RAB4A: variants seen among roughly 807,000 people sequenced by gnomAD.
RAB4A encodes the protein RAB4A, member RAS oncogene family.
Under a neutral mutation model 34.5 loss-of-function variants are expected in RAB4A, and 20 were observed. The observed-to-expected ratio is 0.58, with a 90% CI of 0.41 to 0.84. RAB4A has a LOEUF of 0.84. Among genes scored for constraint, RAB4A ranks in the 40% least tolerant of loss-of-function variants. RAB4A has a pLI of 0.00. For synonymous variants in RAB4A, 102 were observed against 100.0 expected (o/e 1.02, Z -0.12); for missense variants, 228 against 274.5 (o/e 0.83, Z 1.20).
intron 1 of RAB4A, among the ~76,000 whole-genome samples, chr1:229,271,935 T>C (rs199613209): frequency 1.3e-5 from 2 of 152,196 alleles, no homozygotes; most frequent in East Asian, 3.9e-4. Context: ...TTTTTTAGCC[T>C]TTTCTGGGTT....
In RAB4A at chr1:229,305,062, G is replaced by T; in HGVS notation, c.*1269G>T. The T allele has an allele frequency of 1.4e-6, 2 of 1,423,548 alleles. No individual in the cohort carries two copies. Among genetic ancestry groups the T allele is most frequent in the Non-Finnish European group, 9.2e-7 (1 of 1,084,020 alleles). The allele number at this position is 1,423,548 out of a possible 1,614,324, so 88.2% of individuals were successfully genotyped here. On this transcript the variant is annotated 3_prime_UTR_variant, in exon 8 of 8. Transcript: ENST00000366690. ...TTGAAGACTAGTAAATTAACTTTTA[G>T]TTAGAAGATGCCTACTGCTTTTGTT... is the stretch of plus-strand genomic sequence containing the variant.
rs530322424 is a variant in RAB4A, at chr1:229,301,420, T to C, written c.542-1442T>C. 1.5e-4 allele frequency among the ~76,000 whole-genome samples: 23 copies of C among 151,682 alleles called. No homozygotes were observed. In the South Asian group the frequency reaches 4.6e-3, roughly 30 times the overall value. ...AAGTGGACATGTCATCTTTTTGTAT[T>C]TTTTTTTATCAGAAAGAAAAAAAAA... On this transcript the variant is annotated intron_variant, in intron 6 of 7. Transcript: ENST00000366690.
Position 229,305,318 on chromosome 1 carries a change from C to T in RAB4A, c.*1525C>T. On this transcript the variant is annotated 3_prime_UTR_variant, in exon 8 of 8. Transcript: ENST00000366690. ...ATTTATGATAGATTTGCAAGCTGCT[C>T]ATTTTTGAACAGCTTTTTGCATGGG... 1 of 1,571,798 alleles carries T rather than the reference C, an allele frequency of 6.4e-7. No individual in the cohort carries two copies. Among genetic ancestry groups the T allele is most frequent in the Non-Finnish European group, 8.6e-7 (1 of 1,162,426 alleles).
Position 229,271,203 on chromosome 1 carries a change from C to G in RAB4A, c.-137C>G. 1 of 871,488 alleles carries G rather than the reference C, an allele frequency of 1.1e-6. No individual in the cohort carries two copies. Among genetic ancestry groups the G allele is most frequent in the Non-Finnish European group, 1.5e-6 (1 of 662,740 alleles). 54.0% of individuals were successfully genotyped at this position (871,488 alleles called of 1,614,324 possible). On this transcript the variant is annotated 5_prime_UTR_variant, in exon 1 of 8. Transcript: ENST00000366690. ...CGGCTGGGCCGCAGCCGCTGGGAGA[C>G]CGGCGGTTGCCGTGGGGACCGGTCG...
At chr1:229,278,292 C>T (rs1656699157) in intron 1 of RAB4A, among the ~76,000 whole-genome samples, 1 of 152,226 alleles carries the variant, frequency 6.6e-6, no homozygotes, top group African/African-American at 2.4e-5. Flanking sequence ...GCTACCCAGC[C>T]ATCTGCCTTG....
At chr1:229,288,467 G>A (rs1010720525) in intron 2 of RAB4A, among the ~76,000 whole-genome samples, 3 of 152,190 alleles carry the variant, frequency 2.0e-5, no homozygotes, top group Non-Finnish European at 4.4e-5. Context: ...ATATGGCAGG[G>A]CTACTTTCAG....
intron 3 of RAB4A, among the ~76,000 whole-genome samples, chr1:229,292,194 G>T (rs1348404245): frequency 6.6e-6 from 1 of 150,752 alleles, no homozygotes; most frequent in South Asian, 2.1e-4. Flanking sequence ...TTGTGCACAG[G>T]TACCCTAAAA....
intron 5 of RAB4A, among the ~76,000 whole-genome samples, 176 bp downstream of exon 5, chr1:229,297,812 G>A (rs529441896): frequency 1.3e-5 from 2 of 152,152 alleles, no homozygotes; most frequent in South Asian, 4.1e-4. Flanking sequence ...TTAGTATATT[G>A]CATTCTGCCT....
chr1:229,301,282 C>A (rs1008664608), intron 6 of RAB4A, among the ~76,000 whole-genome samples: 3 of 151,746 alleles, frequency 2.0e-5, no homozygotes, highest in Non-Finnish European at 4.4e-5. Flanking sequence ...TGTTTAAATG[C>A]TGAGGGGGAA....
Position 229,286,030 on chromosome 1 carries a change from G to A in RAB4A, c.32-456G>A, listed in dbSNP as rs552961260. Among the ~76,000 whole-genome samples the A allele has an allele frequency of 5.8e-4, 89 of 152,342 alleles. 1 individual carries two copies. Among genetic ancestry groups the A allele is most frequent in the African/African-American group, 2.0e-3 (83 of 41,582 alleles). ...AAGACCACGTAAATCTGCAAGTGCA[G>A]ACAAAACTTATTTTTTTCCTTTTCC... is the stretch of plus-strand genomic sequence containing the variant. On this transcript the variant is annotated intron_variant, in intron 1 of 7. Transcript: ENST00000366690.
At chr1:229,272,722 G>A (rs998924897) in intron 1 of RAB4A, among the ~76,000 whole-genome samples, 1 of 152,154 alleles carries the variant, frequency 6.6e-6, no homozygotes, top group Non-Finnish European at 1.5e-5. Flanking sequence ...AGAGGGTCTT[G>A]AGGAAGGCGT....
chr1:229,285,594 A>G (rs1282989979), intron 1 of RAB4A, among the ~76,000 whole-genome samples: 1 of 152,158 alleles, frequency 6.6e-6, no homozygotes, highest in Non-Finnish European at 1.5e-5. Flanking sequence ...CTTTGAGGCC[A>G]CAGAAGGAGT....
intron 1 of RAB4A, among the ~76,000 whole-genome samples, chr1:229,278,947 C>G (rs1024060961): frequency 1.3e-5 from 2 of 152,290 alleles, no homozygotes; most frequent in Middle Eastern, 3.4e-3. Context: ...ACTGCTTCCC[C>G]AAATCTCCAC....
intron 4 of RAB4A, 152 bp from the exon 5 acceptor site, chr1:229,297,330 A>G: frequency 1.5e-6 from 1 of 649,602 alleles, no homozygotes. Context: ...TATGGTATAT[A>G]CTTGGTGCAT....
intron 2 of RAB4A, among the ~76,000 whole-genome samples, chr1:229,287,482 A>G (rs1224907250): frequency 6.6e-6 from 1 of 152,196 alleles, no homozygotes; most frequent in Non-Finnish European, 1.5e-5. Flanking sequence ...ACAAGTTGCC[A>G]AGACTTTGTG....
In RAB4A at chr1:229,304,043, G is replaced by A. The variant is rs1031675263; in HGVS notation, c.*250G>A. 3.3e-5 allele frequency: 5 copies of A among 152,052 alleles called. No individual in the cohort carries two copies. Among genetic ancestry groups the A allele is most frequent in the Non-Finnish European group, 5.9e-5 (4 of 68,012 alleles). 9.4% of individuals were successfully genotyped at this position (152,052 alleles called of 1,614,324 possible). A position where few individuals can be genotyped will look rare whatever the true frequency, so the allele number is the denominator to read the frequency against. On this transcript the variant is annotated 3_prime_UTR_variant, in exon 8 of 8. Coordinates refer to ENST00000366690, the MANE Select transcript of RAB4A (RefSeq NM_004578.4). Reference sequence around the variant, plus strand: ...GTTTCATATTTTTCCTTTCACTTTCGGTTTAAAACATGCTATATGTACTGT... The same window carrying A: ...GTTTCATATTTTTCCTTTCACTTTCAGTTTAAAACATGCTATATGTACTGT...
chr1:229,288,922 T>A, intron 3 of RAB4A, 79 bp downstream of exon 3: 1 of 843,164 alleles, frequency 1.2e-6, no homozygotes, highest in Non-Finnish European at 1.9e-6. Flanking sequence ...ATATATAAGG[T>A]CTCACTCCCT....
intron 6 of RAB4A, 45 bp from the exon 7 acceptor site, chr1:229,302,817 G>T: frequency 2.3e-5 from 29 of 1,286,220 alleles, no homozygotes; most frequent in African/African-American, 3.0e-5. Flanking sequence ...TGGAATCAAA[G>T]AAACATAAAA....
At chr1:229,289,337 A>G (rs1330580658) in intron 3 of RAB4A, 1 of 152,866 alleles carries the variant, frequency 6.5e-6, no homozygotes, top group Non-Finnish European at 1.5e-5. Context: ...GTCACTGCAA[A>G]TGAGGTTACA....
Sources: allele counts gnomAD v4.1 joint callset (sites outside exome capture counted in the v4.1 genomes callset), GRCh38; gene constraint gnomAD v4.1.1; transcripts MANE v1.5; gene names NCBI Gene and HGNC (gene_info 2026-07-23, HGNC 2026-07-21).